Variants in GRIN2A observed in about 807,000 individuals in gnomAD.
GRIN2A encodes the protein glutamate ionotropic receptor NMDA type subunit 2A, also known as glutamate receptor ionotropic, NMDA 2A.
A neutral mutation model predicts 113.4 loss-of-function variants in GRIN2A; 22 were observed. The ratio of observed to expected loss-of-function variants is 0.19; its 90% CI spans 0.14 to 0.28. GRIN2A has a LOEUF of 0.28. Among genes scored for constraint, GRIN2A ranks in the 10% least tolerant of loss-of-function variants. The pLI is 1.00. For missense variants in GRIN2A, 1,502 were observed against 1,887.0 expected, an observed-to-expected ratio of 0.80 and a Z score of 3.78; for synonymous variants, 827 against 738.4, an observed-to-expected ratio of 1.12 and a Z score of -1.94.
chr16:9,943,361 G>C (rs78982215), intron 2 of GRIN2A: 2,397 of 152,306 alleles, frequency 0.016, 34 homozygotes, highest in Non-Finnish European at 0.023. Context: ...GTGGGATTCT[G>C]GGTGTCTGCT....
intron 4 of GRIN2A, among the ~76,000 whole-genome samples, chr16:9,882,289 C>T (rs1233252370): frequency 1.3e-5 from 2 of 152,176 alleles, no homozygotes; most frequent in Non-Finnish European, 2.9e-5. Flanking sequence ...CACTATGCCT[C>T]ACTAGACCTG....
chr16:9,757,047 G>A lies in GRIN2A; in HGVS notation c.*6102C>T, dbSNP rs1212292364. 4.9e-6 allele frequency: 1 copy of A among 203,618 alleles called. No individual in the cohort carries two copies. Among genetic ancestry groups the A allele is most frequent in the Non-Finnish European group, 1.0e-5 (1 of 99,316 alleles). The allele number at this position is 203,618 out of a possible 1,614,324, so 12.6% of individuals were successfully genotyped here. A position where few individuals can be genotyped will look rare whatever the true frequency, so the allele number is the denominator to read the frequency against. On this transcript the variant is annotated 3_prime_UTR_variant, in exon 13 of 13. Transcript: ENST00000330684. ...GTCAAAAACAAAACCAAACAAAAAAGCTTTAGGGAAATGCTTCGTCTTTTT... is the reference window on the plus strand; with the variant it reads ...GTCAAAAACAAAACCAAACAAAAAAACTTTAGGGAAATGCTTCGTCTTTTT...
At chr16:9,872,842 T>A (rs1192979052) in intron 4 of GRIN2A, among the ~76,000 whole-genome samples, 2 of 151,334 alleles carry the variant, frequency 1.3e-5, no homozygotes, top group Non-Finnish European at 2.9e-5. Context: ...CTAGCCTGAG[T>A]AACATGGCGA....
In GRIN2A at chr16:10,119,438, G is replaced by A. The variant is rs112457191; in HGVS notation, c.414+60560C>T. On this transcript the variant is annotated intron_variant, in intron 2 of 12. Coordinates refer to ENST00000330684, the MANE Select transcript of GRIN2A (RefSeq NM_001134407.3). The stretch of plus-strand genomic sequence containing the variant: ...AATCTGTTAATTCATACAGGTAAGA[G>A]ACTGTGCCTTAGTCATCTCTGTAGC... Among the ~76,000 whole-genome samples the A allele has an allele frequency of 1.3e-3, 196 of 150,874 alleles. 2 individuals carry two copies. The highest frequency in any genetic ancestry group is 3.4e-3 in the Middle Eastern group (1 of 294).
At chr16:10,060,723 A>G (rs2142006447) in intron 2 of GRIN2A, among the ~76,000 whole-genome samples, 1 of 152,338 alleles carries the variant, frequency 6.6e-6, no homozygotes, top group Non-Finnish European at 1.5e-5. Context: ...CAGAAAAGTT[A>G]AATATCTTGC....
chr16:10,145,019 A>C (rs1414698358), intron 2 of GRIN2A, among the ~76,000 whole-genome samples: 1 of 152,006 alleles, frequency 6.6e-6, no homozygotes. Context: ...AAGAAAAAAA[A>C]GTCCGCTATT....
At chr16:9,975,336 G>A (rs1222652574) in intron 2 of GRIN2A, among the ~76,000 whole-genome samples, 3 of 152,160 alleles carry the variant, frequency 2.0e-5, no homozygotes, top group South Asian at 2.1e-4. Flanking sequence ...TTTATTCCAT[G>A]GATCCTACTC....
At chr16:9,791,757 C>T (rs897688665) in intron 11 of GRIN2A, among the ~76,000 whole-genome samples, 3 of 151,806 alleles carry the variant, frequency 2.0e-5, no homozygotes, top group Non-Finnish European at 2.9e-5. Context: ...GGTCCCCTGC[C>T]GTCAAAAGCT....
At chr16:9,885,613 C>A (rs1188476263) in intron 4 of GRIN2A, among the ~76,000 whole-genome samples, 1 of 152,188 alleles carries the variant, frequency 6.6e-6, no homozygotes, top group African/African-American at 2.4e-5. Context: ...TTCAGTGACG[C>A]CACTGGCTGA....
intron 4 of GRIN2A, among the ~76,000 whole-genome samples, chr16:9,875,648 G>C (rs898013918): frequency 6.6e-6 from 1 of 152,244 alleles, no homozygotes; most frequent in Non-Finnish European, 1.5e-5. Flanking sequence ...AGCAGCCACT[G>C]AGCTCCAGTA....
chr16:10,157,275 T>C (rs1447651067), intron 2 of GRIN2A, among the ~76,000 whole-genome samples: 2 of 152,196 alleles, frequency 1.3e-5, no homozygotes, highest in Admixed American at 1.3e-4. Context: ...ATGTCTTACT[T>C]AGATGAGACA....
chr16:9,874,593 G>A (rs774722780), intron 4 of GRIN2A, among the ~76,000 whole-genome samples: 1 of 152,132 alleles, frequency 6.6e-6, no homozygotes, highest in African/African-American at 2.4e-5. Context: ...ATATATGAAC[G>A]CCACCCATCT....
Position 10,066,092 on chromosome 16 carries a change from C to T in GRIN2A, c.414+113906G>A, listed in dbSNP as rs539964013. 3.2e-3 allele frequency among the ~76,000 whole-genome samples: 492 copies of T among 152,334 alleles called. 16 individuals carry two copies. Among genetic ancestry groups the T allele is most frequent in the Non-Finnish European group, 3.9e-3 (267 of 68,026 alleles). On this transcript the variant is annotated intron_variant, in intron 2 of 12. Transcript: ENST00000330684. Reference sequence around the variant, plus strand: ...TCTCACCCCCAGCACATCTTAGGAACTGACTAGAAATATTCTTCAGACTTT... The same window carrying T: ...TCTCACCCCCAGCACATCTTAGGAATTGACTAGAAATATTCTTCAGACTTT...
Position 9,756,309 on chromosome 16 carries a change from A to G in GRIN2A, c.*6840T>C, listed in dbSNP as rs1016056343. The G allele has an allele frequency of 1.7e-5, 4 of 229,718 alleles. No homozygotes were observed. The highest frequency in any genetic ancestry group is 8.9e-5 in the African/African-American group (4 of 45,168). The allele number at this position is 229,718 out of a possible 1,614,324, so 14.2% of individuals were successfully genotyped here. ...ATTTTTTTAAATGCTAAGTGCAAGCATATGAAAGGGAGACACAAACAGTGT... is the reference window on the plus strand; with the variant it reads ...ATTTTTTTAAATGCTAAGTGCAAGCGTATGAAAGGGAGACACAAACAGTGT... On this transcript the variant is annotated 3_prime_UTR_variant, in exon 13 of 13. Coordinates refer to ENST00000330684, the MANE Select transcript of GRIN2A (RefSeq NM_001134407.3).
At chr16:10,046,657 C>G (rs2047265200) in intron 2 of GRIN2A, among the ~76,000 whole-genome samples, 1 of 152,210 alleles carries the variant, frequency 6.6e-6, no homozygotes, top group African/African-American at 2.4e-5. Context: ...CACACACACA[C>G]ACAGCTCTTA....
chr16:10,041,379 A>C (rs1393607365), intron 2 of GRIN2A, among the ~76,000 whole-genome samples: 1 of 152,234 alleles, frequency 6.6e-6, no homozygotes, highest in Non-Finnish European at 1.5e-5. Flanking sequence ...AAGGTTCAAT[A>C]AAATGACAAA....
rs1237501375 is a variant in GRIN2A at position 9,758,378 on chromosome 16, T to C, written c.*4771A>G. 8.9e-6 allele frequency: 2 copies of C among 223,510 alleles called. No individual in the cohort carries two copies. The highest frequency in any genetic ancestry group is 1.8e-5 in the Non-Finnish European group (2 of 111,898). 13.8% of individuals were successfully genotyped at this position (223,510 alleles called of 1,614,324 possible). A position where few individuals can be genotyped will look rare whatever the true frequency, so the allele number is the denominator to read the frequency against. On this transcript the variant is annotated 3_prime_UTR_variant, in exon 13 of 13. Transcript: ENST00000330684. ...ACCCCTCATCCCAGAGTTTTGTTTT[T>C]TAAAGAAGGGGCCAAGAACGCCAAC...
At chr16:9,880,391 T>C (rs983592901) in intron 4 of GRIN2A, among the ~76,000 whole-genome samples, 1 of 152,102 alleles carries the variant, frequency 6.6e-6, no homozygotes, top group Admixed American at 6.5e-5. Flanking sequence ...CTGTTTTTTT[T>C]AAATGGCAAA....
At chr16:10,168,365 C>G (rs2049967123) in intron 2 of GRIN2A, among the ~76,000 whole-genome samples, 1 of 152,204 alleles carries the variant, frequency 6.6e-6, no homozygotes, top group Admixed American at 6.5e-5. Flanking sequence ...TACTCACACA[C>G]TTGGAAAAAG....
Sources: gnomAD v4.1 joint callset for allele counts (sites outside exome capture counted in the v4.1 genomes callset) on GRCh38, gnomAD v4.1.1 for gene constraint, MANE v1.5 for transcripts, NCBI Gene and HGNC (gene_info 2026-07-23, HGNC 2026-07-21) for gene names.